The following MON2 variants were observed in gnomAD, a reference collection of about 807,000 sequenced individuals.
MON2 encodes MON2 regulator of endosome-to-Golgi trafficking.
Under a neutral mutation model 208.6 loss-of-function variants are expected in MON2, and 84 were observed. That is an observed-to-expected ratio of 0.40 (90% CI 0.34 to 0.48). MON2 has a LOEUF of 0.48. Among genes scored for constraint, MON2 ranks in the 20% least tolerant of loss-of-function variants. The probability of loss-of-function intolerance (pLI) is 0.59; values close to 1 mark genes in which losing one functional copy is unlikely to be tolerated. For missense variants in MON2, 1,611 were observed against 2,015.4 expected, an observed-to-expected ratio of 0.80 and a Z score of 3.84; for synonymous variants, 660 against 694.0, an observed-to-expected ratio of 0.95 and a Z score of 0.77.
intron 4 of MON2, among the ~76,000 whole-genome samples, chr12:62,497,952 C>A (rs2070618238): frequency 1.3e-5 from 2 of 152,114 alleles, no homozygotes; most frequent in Admixed American, 6.5e-5. Context: ...CCTATTCTTA[C>A]CAGATGACCC....
At position 62,495,082 on chromosome 12, in the gene MON2, C is replaced by G; in HGVS notation, c.370C>G (p.Leu124Val). The change falls in exon 4 of 35, where the codon CTA becomes GTA. Residue 124 changes from leucine to valine, a missense_variant. Coordinates refer to ENST00000393630, the MANE Select transcript of MON2 (RefSeq NM_015026.3). ...GGAGAATAGTCTTGAAGAACTTAAGCTACTTCAAACAGTTCTTGTTCTTTT... is the reference window on the plus strand; with the variant it reads ...GGAGAATAGTCTTGAAGAACTTAAGGTACTTCAAACAGTTCTTGTTCTTTT... ...LMENSLEELK[L>V]LQTVLVLLTT... 1 of 1,609,390 alleles carries G rather than the reference C, an allele frequency of 6.2e-7. No homozygotes were observed. Among genetic ancestry groups the G allele is most frequent in the Non-Finnish European group, 8.5e-7 (1 of 1,176,012 alleles).
chr12:62,589,879 G>A (rs2075341831), intron 34 of MON2, among the ~76,000 whole-genome samples: 1 of 152,022 alleles, frequency 6.6e-6, no homozygotes, highest in Non-Finnish European at 1.5e-5. Context: ...CTAACTAAAT[G>A]AATGTTAAAA....
At position 62,547,041 on chromosome 12, in the gene MON2, G is replaced by A. The variant is rs1048793194; in HGVS notation, c.2722G>A (p.Gly908Arg). ...SLGPGWPLVL[G>R]VMGAIRNDQG... Reference sequence around the variant, plus strand: ...TGGGCCTGGATGGCCATTAGTGCTTGGAGTCATGGGAGCAATCAGAAATGA... The same window carrying A: ...TGGGCCTGGATGGCCATTAGTGCTTAGAGTCATGGGAGCAATCAGAAATGA... The change falls in exon 22 of 35, where the codon GGA (glycine) becomes AGA (arginine). Residue 908 changes from glycine (G) to arginine (R), a missense_variant. By Grantham distance (125) the Gly-to-Arg change is moderately radical. Coordinates refer to ENST00000393630, the MANE Select transcript of MON2 (RefSeq NM_015026.3). The A allele has an allele frequency of 1.3e-6, 2 of 1,596,670 alleles. No homozygotes were observed. The highest frequency in any genetic ancestry group is 2.7e-5 in the African/African-American group (2 of 74,238).
chr12:62,479,423 T>G (rs949413478), intron 1 of MON2, among the ~76,000 whole-genome samples: 81 of 89,058 alleles, frequency 9.1e-4, no homozygotes, highest in Non-Finnish European at 8.6e-4. Flanking sequence ...TGTGTGTGTG[T>G]GTGTATATCC....
At chr12:62,534,542 A>AAATATATAT (rs1555169522) in intron 12 of MON2, among the ~76,000 whole-genome samples, 5 of 22,852 alleles carry the variant, frequency 2.2e-4, no homozygotes, top group Non-Finnish European at 3.0e-4. Context: ...AAAAAAAAAA[A>AAATATATAT]ATATATATAT....
intron 7 of MON2, among the ~76,000 whole-genome samples, chr12:62,507,235 C>G (rs527682890): frequency 1.3e-5 from 2 of 152,144 alleles, no homozygotes; most frequent in African/African-American, 4.8e-5. Flanking sequence ...GAAATTTTCT[C>G]TCCTCAGCTA....
intron 23 of MON2, 50 bp downstream of exon 23, chr12:62,549,880 T>C (rs765406158): frequency 2.9e-5 from 37 of 1,274,224 alleles, no homozygotes; most frequent in Non-Finnish European, 3.7e-5. Flanking sequence ...ATCATTGTTA[T>C]TCAGTTGGGA....
chr12:62,502,379 T>G (rs1302984438), intron 7 of MON2, among the ~76,000 whole-genome samples: 2 of 147,594 alleles, frequency 1.4e-5, no homozygotes, highest in African/African-American at 2.5e-5. Context: ...CCAGCCTGGG[T>G]GAGAGAGCGA....
At chr12:62,470,987 G>A (rs2068763129) in intron 1 of MON2, among the ~76,000 whole-genome samples, 1 of 152,212 alleles carries the variant, frequency 6.6e-6, no homozygotes, top group East Asian at 1.9e-4. Context: ...GACATAGACA[G>A]AAGGTTGCTT....
At chr12:62,585,727 A>G (rs2075201756) in intron 33 of MON2, 1 of 353,426 alleles carries the variant, frequency 2.8e-6, no homozygotes, top group Non-Finnish European at 5.1e-6. Flanking sequence ...AGATTATGTA[A>G]CATATGATAC....
At chr12:62,489,690 A>G (rs10506443) in intron 2 of MON2, among the ~76,000 whole-genome samples, 45,015 of 151,944 alleles carry the variant, frequency 0.3, 6,776 homozygotes, top group Middle Eastern at 0.35. Flanking sequence ...TTACTAACCA[A>G]TTGAACCAAC....
chr12:62,490,872 G>A (rs936854814), intron 2 of MON2, among the ~76,000 whole-genome samples: 1 of 152,082 alleles, frequency 6.6e-6, no homozygotes, highest in Admixed American at 6.5e-5. Context: ...ATCTCGGCTT[G>A]ATAGACCTGG....
intron 25 of MON2, among the ~76,000 whole-genome samples, chr12:62,557,399 G>A (rs2074007605): frequency 6.6e-6 from 1 of 152,146 alleles, no homozygotes; most frequent in African/African-American, 2.4e-5. Context: ...TCTGGGGAGG[G>A]TAGAGGCAAG....
At chr12:62,511,132 T>C (rs2071376004) in intron 8 of MON2, among the ~76,000 whole-genome samples, 1 of 152,142 alleles carries the variant, frequency 6.6e-6, no homozygotes. Context: ...TGGAAAGATA[T>C]CCAGTGTTCA....
chr12:62,527,097 G>A (rs1011315258), intron 11 of MON2, among the ~76,000 whole-genome samples: 4 of 152,140 alleles, frequency 2.6e-5, no homozygotes, highest in East Asian at 3.9e-4. Flanking sequence ...CTGCACTCCA[G>A]CCTGGGTGAC....
rs776281742 is a variant in MON2 at position 62,467,193 on chromosome 12, G to T, written c.-15G>T. ...GTTTGTACCTCTCGGAAATTGGCTGGGACCTTGGAGGATCATGTCCGGCAC... is the reference window on the plus strand; with the variant it reads ...GTTTGTACCTCTCGGAAATTGGCTGTGACCTTGGAGGATCATGTCCGGCAC... On this transcript the variant is annotated 5_prime_UTR_variant, in exon 1 of 35. Coordinates refer to ENST00000393630, the MANE Select transcript of MON2 (RefSeq NM_015026.3). The T allele has an allele frequency of 1.9e-6, 3 of 1,608,944 alleles. No individual in the cohort carries two copies. In the South Asian group the frequency reaches 3.3e-5, roughly 18 times the overall value.
chr12:62,587,470 G>A (rs2075253693), intron 33 of MON2, among the ~76,000 whole-genome samples: 1 of 151,936 alleles, frequency 6.6e-6, no homozygotes, highest in Admixed American at 6.6e-5. Flanking sequence ...TGTAATCCCA[G>A]CACTTTAGGA....
chr12:62,570,787 C>G (rs1472994432), intron 29 of MON2, among the ~76,000 whole-genome samples: 1 of 116,638 alleles, frequency 8.6e-6, no homozygotes, highest in African/African-American at 3.3e-5. Context: ...GGCTGGAGTA[C>G]AGTGGTGTGA....
intron 29 of MON2, among the ~76,000 whole-genome samples, chr12:62,569,931 G>T (rs368073467): frequency 1.3e-5 from 2 of 152,112 alleles, no homozygotes; most frequent in East Asian, 1.9e-4. Context: ...ATGATATTTG[G>T]TTTTATGTCC....
Sources: gnomAD v4.1 joint callset for allele counts (sites outside exome capture counted in the v4.1 genomes callset) on GRCh38, gnomAD v4.1.1 for gene constraint, MANE v1.5 for transcripts, NCBI Gene and HGNC (gene_info 2026-07-23, HGNC 2026-07-21) for gene names.